The following PPARGC1A variants were observed in gnomAD, a reference collection of about 807,000 sequenced individuals.
PPARGC1A encodes peroxisome proliferator-activated receptor gamma coactivator 1-alpha.
A neutral mutation model predicts 88.7 loss-of-function variants in PPARGC1A; 25 were observed. That is an observed-to-expected ratio of 0.28 (90% confidence interval 0.21 to 0.39). The LOEUF (loss-of-function observed/expected upper bound fraction) is 0.39, where lower values mean the gene tolerates loss of function less well. Ranked by LOEUF, PPARGC1A falls within the 10% of genes least tolerant of loss-of-function variation. The probability of loss-of-function intolerance (pLI) is 1.00; values close to 1 mark genes in which losing one functional copy is unlikely to be tolerated. For missense variants in PPARGC1A, 880 were observed against 968.7 expected, an observed-to-expected ratio of 0.91 and a Z score of 1.22; for synonymous variants, 363 against 355.6, an observed-to-expected ratio of 1.02 and a Z score of -0.24.
At chr4:24,345,898 A>G in the PPARGC1A span, among the ~76,000 whole-genome samples, 1 of 152,182 alleles carries the variant, frequency 6.6e-6, no homozygotes, top group African/African-American at 2.4e-5. Context: ...CCCATTCAGT[A>G]TTACGGTGGC....
At chr4:23,929,370 T>G in the PPARGC1A span, among the ~76,000 whole-genome samples, 1 of 152,194 alleles carries the variant, frequency 6.6e-6, no homozygotes, top group Non-Finnish European at 1.5e-5. Context: ...CACATCATAA[T>G]AGATGTTCCA....
At position 23,792,741 on chromosome 4, in the gene PPARGC1A, C is replaced by A. The variant is rs1028096795; in HGVS notation, c.*3081G>T. ...TACAGATCTATGCTGAAATTTGCCT[C>A]CAGTGATGATGGGGTGCACGTGTTC... On this transcript the variant is annotated 3_prime_UTR_variant, in exon 13 of 13. Transcript: ENST00000264867. The A allele has an allele frequency of 5.3e-5, 8 of 152,372 alleles. No homozygotes were observed. The highest frequency in any genetic ancestry group is 8.8e-5 in the Non-Finnish European group (6 of 68,008). The allele number at this position is 152,372 out of a possible 1,614,324, so 9.4% of individuals were successfully genotyped here.
the PPARGC1A span, among the ~76,000 whole-genome samples, chr4:24,036,381 C>T: frequency 6.6e-6 from 1 of 152,166 alleles, no homozygotes; most frequent in African/African-American, 2.4e-5. Context: ...CCTGAAATTG[C>T]ACTCCTGGGT....
the PPARGC1A span, among the ~76,000 whole-genome samples, chr4:24,025,560 A>T: frequency 2.4e-4 from 36 of 152,080 alleles, no homozygotes; most frequent in Admixed American, 5.9e-4. Context: ...TGACTTTGAC[A>T]TATCTCTAAT....
chr4:24,367,086 C>T, the PPARGC1A span, among the ~76,000 whole-genome samples: 1 of 152,166 alleles, frequency 6.6e-6, no homozygotes, highest in Non-Finnish European at 1.5e-5. Flanking sequence ...TGTGACTTCC[C>T]TCCTTTTGAA....
chr4:23,881,109 T>C (rs760979831), intron 2 of PPARGC1A: 13 of 152,210 alleles, frequency 8.5e-5, no homozygotes, highest in Non-Finnish European at 1.9e-4. Flanking sequence ...AGTAGTCCTT[T>C]ATTCTCCTCC....
chr4:24,063,286 C>A, the PPARGC1A span, among the ~76,000 whole-genome samples: 1 of 152,150 alleles, frequency 6.6e-6, no homozygotes, highest in Non-Finnish European at 1.5e-5. Flanking sequence ...CTCCCTCAAG[C>A]CTGACAAGAG....
chr4:24,308,394 T>C, the PPARGC1A span, among the ~76,000 whole-genome samples: 2 of 152,194 alleles, frequency 1.3e-5, no homozygotes, highest in East Asian at 3.8e-4. Context: ...GGTTAACTTT[T>C]ATTTAGTTTT....
At chr4:24,190,947 T>C in the PPARGC1A span, among the ~76,000 whole-genome samples, 1 of 59,276 alleles carries the variant, frequency 1.7e-5, no homozygotes, top group African/African-American at 3.6e-5. Flanking sequence ...TCCTGCAGGG[T>C]GCCTGAATAC....
At chr4:24,166,772 G>A in the PPARGC1A span, among the ~76,000 whole-genome samples, 331 of 152,256 alleles carry the variant, frequency 2.2e-3, 3 homozygotes, top group African/African-American at 7.5e-3. Flanking sequence ...GATATTTTAA[G>A]CCCAGTCTTG....
chr4:24,151,254 A>G, the PPARGC1A span, among the ~76,000 whole-genome samples: 3 of 152,214 alleles, frequency 2.0e-5, no homozygotes, highest in Admixed American at 2.0e-4. Context: ...AAATTTATTT[A>G]TCACAGTTCT....
chr4:24,101,292 G>C, the PPARGC1A span, among the ~76,000 whole-genome samples: 1 of 152,116 alleles, frequency 6.6e-6, no homozygotes, highest in African/African-American at 2.4e-5. Flanking sequence ...CTTCTCCTGC[G>C]CCTTCTGCCA....
At chr4:24,229,121 T>A in the PPARGC1A span, among the ~76,000 whole-genome samples, 1 of 145,772 alleles carries the variant, frequency 6.9e-6, no homozygotes, top group Non-Finnish European at 1.5e-5. Flanking sequence ...TCAGATTTAA[T>A]TGATTATGGA....
chr4:24,049,066 GA>G, the PPARGC1A span, among the ~76,000 whole-genome samples: 1 of 151,382 alleles, frequency 6.6e-6, no homozygotes, highest in Non-Finnish European at 1.5e-5. Flanking sequence ...TCCACCCCAA[GA>G]AAAACTCTGG....
At chr4:24,014,902 C>A in the PPARGC1A span, among the ~76,000 whole-genome samples, 14 of 152,138 alleles carry the variant, frequency 9.2e-5, no homozygotes, top group African/African-American at 3.4e-4. Flanking sequence ...AAAGTGACAT[C>A]CCATCATATT....
the PPARGC1A span, among the ~76,000 whole-genome samples, chr4:24,309,459 A>G: frequency 1.3e-5 from 2 of 152,188 alleles, no homozygotes; most frequent in Non-Finnish European, 2.9e-5. Context: ...TTGCAGAGGT[A>G]GGCAGGAACT....
the PPARGC1A span, among the ~76,000 whole-genome samples, chr4:24,148,024 A>T: frequency 6.6e-6 from 1 of 152,276 alleles, no homozygotes; most frequent in East Asian, 1.9e-4. Flanking sequence ...TGCAACTGGA[A>T]AAATTTGAAA....
chr4:23,896,349 T>C (rs1718603059), intron 1 of PPARGC1A, among the ~76,000 whole-genome samples: 1 of 152,190 alleles, frequency 6.6e-6, no homozygotes, highest in Non-Finnish European at 1.5e-5. Flanking sequence ...ATTAAAGCCA[T>C]GCCTGCTTAA....
the PPARGC1A span, among the ~76,000 whole-genome samples, chr4:24,052,536 C>T: frequency 6.6e-6 from 1 of 151,590 alleles, no homozygotes; most frequent in Non-Finnish European, 1.5e-5. Context: ...ACTTGACAGG[C>T]TGAGACAGGA....
Sources: allele counts gnomAD v4.1 joint callset (sites outside exome capture counted in the v4.1 genomes callset), GRCh38; gene constraint gnomAD v4.1.1; transcripts MANE v1.5; gene names NCBI Gene and HGNC (gene_info 2026-07-23, HGNC 2026-07-21).